ADPRM: variants seen among roughly 807,000 people sequenced by gnomAD.
ADPRM encodes the protein manganese-dependent ADP-ribose/CDP-alcohol diphosphatase.
A neutral mutation model predicts 27.2 loss-of-function variants in ADPRM; 17 were observed. The ratio of observed to expected loss-of-function variants is 0.63; its 90% confidence interval spans 0.43 to 0.94. ADPRM has a LOEUF of 0.94. Among genes scored for constraint, ADPRM ranks in the 40% least tolerant of loss-of-function variants. The pLI is 0.00. For missense variants in ADPRM, 337 were observed against 412.8 expected (o/e 0.82, Z 1.59); for synonymous variants, 135 against 145.3 (o/e 0.93, Z 0.51).
intron 3 of ADPRM, among the ~76,000 whole-genome samples, chr17:10,710,577 CT>C (rs1172146958): frequency 3.9e-5 from 6 of 152,206 alleles, no homozygotes; most frequent in Admixed American, 3.9e-4. Flanking sequence ...TGACGTAGGC[CT>C]CAGAGATTCA....
intron 1 of ADPRM, among the ~76,000 whole-genome samples, chr17:10,704,085 T>C (rs2074796735): frequency 6.6e-6 from 1 of 152,108 alleles, no homozygotes; most frequent in Admixed American, 6.6e-5. Context: ...GTCTCTTACC[T>C]GTAATCCCAG....
At chr17:10,701,248 C>T (rs1460907337) in intron 1 of ADPRM, among the ~76,000 whole-genome samples, 1 of 151,950 alleles carries the variant, frequency 6.6e-6, no homozygotes, top group Non-Finnish European at 1.5e-5. Flanking sequence ...TATTCAAAAG[C>T]GAAATATTTC....
Position 10,697,626 on chromosome 17 carries a change from A to G in ADPRM, c.-59A>G. On this transcript the variant is annotated 5_prime_UTR_variant, in exon 1 of 4. In the 5' UTR this introduces an upstream ATG that the reference lacks. Transcript: ENST00000379774. The stretch of plus-strand genomic sequence containing the variant: ...CCGCTCGTTGGTGGCGCTGTTACAT[A>G]GCCCGTAGTCAGAGGCCTTTCAGCC... 1 of 1,292,330 alleles carries G rather than the reference A, an allele frequency of 7.7e-7. No individual in the cohort carries two copies. The allele number at this position is 1,292,330 out of a possible 1,614,324, so 80.1% of individuals were successfully genotyped here.
At chr17:10,707,875 A>G (rs750755717) in intron 3 of ADPRM, among the ~76,000 whole-genome samples, 1 of 152,222 alleles carries the variant, frequency 6.6e-6, no homozygotes, top group Non-Finnish European at 1.5e-5. Context: ...ACAAGCGTGT[A>G]TGTGCGCATG....
At chr17:10,701,560 A>C (rs900913772) in intron 1 of ADPRM, among the ~76,000 whole-genome samples, 1 of 152,094 alleles carries the variant, frequency 6.6e-6, no homozygotes, top group Non-Finnish European at 1.5e-5. Flanking sequence ...CGATCTCCTG[A>C]CCTCGTGATC....
chr17:10,706,574 G>T lies in ADPRM; in HGVS notation c.718+20G>T. ...TTGTGAGTAAGTATTTAATTTATCTGATTACACTAACATTTTAGAGATTGG... is the reference window on the plus strand; with the variant it reads ...TTGTGAGTAAGTATTTAATTTATCTTATTACACTAACATTTTAGAGATTGG... On this transcript the variant is annotated intron_variant, in intron 3 of 3. Transcript: ENST00000379774. The T allele has an allele frequency of 6.7e-7, 1 of 1,490,106 alleles. No individual in the cohort carries two copies. Among genetic ancestry groups the T allele is most frequent in the South Asian group, 1.3e-5 (1 of 75,508 alleles). The allele number at this position is 1,490,106 out of a possible 1,614,324, so 92.3% of individuals were successfully genotyped here.
chr17:10,703,735 A>G (rs1224522942), intron 1 of ADPRM, among the ~76,000 whole-genome samples: 1 of 152,162 alleles, frequency 6.6e-6, no homozygotes, highest in Non-Finnish European at 1.5e-5. Context: ...AAGTCAAATG[A>G]ATTTTTAGGT....
intron 1 of ADPRM, among the ~76,000 whole-genome samples, chr17:10,700,193 C>T (rs1187807495): frequency 6.6e-6 from 1 of 152,204 alleles, no homozygotes; most frequent in Non-Finnish European, 1.5e-5. Context: ...TTCCCTGCTG[C>T]CCCCTTCACC....
At chr17:10,706,647 CCT>C in intron 3 of ADPRM, 93 bp downstream of exon 3, 1 of 856,718 alleles carries the variant, frequency 1.2e-6, no homozygotes, top group Non-Finnish European at 1.7e-6. Flanking sequence ...GTTTCGATAT[CCT>C]CTTTCTATAA....
intron 1 of ADPRM, among the ~76,000 whole-genome samples, chr17:10,700,976 A>G (rs2074772912): frequency 6.6e-6 from 1 of 152,182 alleles, no homozygotes; most frequent in South Asian, 2.1e-4. Flanking sequence ...TATTTTCTTA[A>G]CATGCGTATA....
rs2074809377 is a variant in ADPRM, at chr17:10,705,844, TAAATG to T, written c.601+321_601+325del. On this transcript the variant is annotated intron_variant, in intron 2 of 3. Transcript: ENST00000379774. The surrounding 1 kb of genome is among the most constrained non-coding windows in gnomAD (Gnocchi z 5.4). The stretch of plus-strand genomic sequence containing the variant: ...CACAGTACGTGGGCAAGACAGATGA[TAAATG>T]AAACAGAAACAAGATTATTTCCACG... The T allele has an allele frequency of 3.0e-6, 1 of 328,572 alleles. No homozygotes were observed. Among genetic ancestry groups the T allele is most frequent in the Non-Finnish European group, 5.7e-6 (1 of 176,978 alleles). The allele number at this position is 328,572 out of a possible 1,614,324, so 20.4% of individuals were successfully genotyped here.
Position 10,705,615 on chromosome 17 carries a change from G to A in ADPRM, c.601+88G>A. ...ATTCAGCAGGAAGATGGACAATTAAGGTAAAAGTATATTGTCACTTGTTCA... is the reference window on the plus strand; with the variant it reads ...ATTCAGCAGGAAGATGGACAATTAAAGTAAAAGTATATTGTCACTTGTTCA... On this transcript the variant is annotated intron_variant, in intron 2 of 3. Transcript: ENST00000379774. This position sits in a 1 kb window ranked among gnomAD's most constrained non-coding sequence, Gnocchi z 5.4. 1 of 1,518,906 alleles carries A rather than the reference G, an allele frequency of 6.6e-7. No homozygotes were observed. Among genetic ancestry groups the A allele is most frequent in the South Asian group, 1.3e-5 (1 of 77,804 alleles). The allele number at this position is 1,518,906 out of a possible 1,614,324, so 94.1% of individuals were successfully genotyped here. A position where few individuals can be genotyped will look rare whatever the true frequency, so the allele number is the denominator to read the frequency against.
chr17:10,709,875 T>C (rs2151465145), intron 3 of ADPRM, among the ~76,000 whole-genome samples: 1 of 152,328 alleles, frequency 6.6e-6, no homozygotes, highest in Non-Finnish European at 1.5e-5. Flanking sequence ...ATCATAGATG[T>C]GTTGCTGTCA....
Position 10,705,451 on chromosome 17 carries a change from G to T in ADPRM, c.525G>T (p.Gln175His), listed in dbSNP as rs2074806820. The T allele has an allele frequency of 1.9e-6, 3 of 1,613,902 alleles. No individual in the cohort carries two copies. Among genetic ancestry groups the T allele is most frequent in the Non-Finnish European group, 2.5e-6 (3 of 1,180,026 alleles). ...ACTTGAGTGTCTTGGGCGTGGATCAGTCTTCTCCAAAATACGAGCAGTGTA... is the reference window on the plus strand; with the variant it reads ...ACTTGAGTGTCTTGGGCGTGGATCATTCTTCTCCAAAATACGAGCAGTGTA... The part of the protein sequence containing the change: ...AYDLSVLGVD[Q>H]SSPKYEQCMK... Residue 175 changes from glutamine (Q) to histidine (H), a missense_variant, in exon 2 of 4, where the codon CAG becomes CAT. Physicochemically the swap from Gln to His is conservative, Grantham distance 24. Transcript: ENST00000379774. The surrounding 1 kb of genome is among the most constrained non-coding windows in gnomAD (Gnocchi z 5.4).
intron 3 of ADPRM, among the ~76,000 whole-genome samples, chr17:10,708,939 G>A (rs1419096867): frequency 2.6e-5 from 4 of 152,006 alleles, no homozygotes; most frequent in Admixed American, 1.3e-4. Context: ...TACTCATGGC[G>A]GTACACCTAT....
Position 10,705,507 on chromosome 17 carries a change from C to A in ADPRM, c.581C>A (p.Thr194Lys). The change falls in exon 2 of 4, where the codon ACG becomes AAG. Residue 194 changes from threonine (T) to lysine (K), a missense_variant. Thr to Lys is a moderately conservative substitution (Grantham distance 78, BLOSUM62 -1). Coordinates refer to ENST00000379774, the MANE Select transcript of ADPRM (RefSeq NM_020233.5). This position sits in a 1 kb window ranked among gnomAD's most constrained non-coding sequence, Gnocchi z 5.4. Reference protein sequence around the residue: ...MKILREHNPNTELNSPQGLSE... With the variant: ...MKILREHNPNKELNSPQGLSE... ...ATATTGAGGGAGCACAATCCAAATACGGAACTGAATAGTCCTCAAGGTGAA... is the reference window on the plus strand; with the variant it reads ...ATATTGAGGGAGCACAATCCAAATAAGGAACTGAATAGTCCTCAAGGTGAA... 1 of 1,613,494 alleles carries A rather than the reference C, an allele frequency of 6.2e-7. No individual in the cohort carries two copies. Among genetic ancestry groups the A allele is most frequent in the Non-Finnish European group, 8.5e-7 (1 of 1,179,814 alleles).
chr17:10,698,240 T>G (rs966110260), intron 1 of ADPRM: 1 of 152,332 alleles, frequency 6.6e-6, no homozygotes, highest in East Asian at 1.9e-4. Context: ...GGGTCCCAGT[T>G]TCTTAAAATA....
In ADPRM at chr17:10,702,149, A is replaced by C. The variant is rs2074783028; in HGVS notation, c.-17-2761A>C. Among the ~76,000 whole-genome samples, 1 of 152,206 alleles carries C rather than the reference A, an allele frequency of 6.6e-6. No homozygotes were observed. Among genetic ancestry groups the C allele is most frequent in the Non-Finnish European group, 1.5e-5 (1 of 68,024 alleles). Reference sequence around the variant, plus strand: ...TCTGAAAAAGTCCGAAATCTAAAACACTTCTGGTCCCAAGCATTTTGGATA... The same window carrying C: ...TCTGAAAAAGTCCGAAATCTAAAACCCTTCTGGTCCCAAGCATTTTGGATA... On this transcript the variant is annotated intron_variant, in intron 1 of 3. Coordinates refer to ENST00000379774, the MANE Select transcript of ADPRM (RefSeq NM_020233.5). The surrounding 1 kb of genome is among the most constrained non-coding windows in gnomAD (Gnocchi z 4.2).
chr17:10,704,312 T>TTCCTC (rs1171124472), intron 1 of ADPRM, among the ~76,000 whole-genome samples: 2 of 152,180 alleles, frequency 1.3e-5, no homozygotes, highest in African/African-American at 4.8e-5. Context: ...TTTAAAATTA[T>TTCCTC]TCCTCTCCTT....
Sources: allele counts gnomAD v4.1 joint callset (sites outside exome capture counted in the v4.1 genomes callset), GRCh38; gene constraint gnomAD v4.1.1; non-coding constraint Gnocchi (gnomAD v3.1); transcripts MANE v1.5; gene names NCBI Gene and HGNC (gene_info 2026-07-23, HGNC 2026-07-21).